The following RBFOX3 variants were observed in gnomAD, a reference collection of about 807,000 sequenced individuals.
The protein encoded by RBFOX3 is RNA binding fox-1 homolog 3.
In RBFOX3, 17 loss-of-function variants were observed where a neutral mutation model predicts 48.7. The ratio of observed to expected loss-of-function variants is 0.35; its 90% confidence interval spans 0.24 to 0.52. The LOEUF (loss-of-function observed/expected upper bound fraction) is 0.52, where lower values mean the gene tolerates loss of function less well. Ranked by LOEUF, RBFOX3 falls within the 20% of genes least tolerant of loss-of-function variation. The probability of loss-of-function intolerance (pLI) is 0.94; values close to 1 mark genes in which losing one functional copy is unlikely to be tolerated. For synonymous variants in RBFOX3, 212 were observed against 209.5 expected (o/e 1.01, Z -0.10); for missense variants, 382 against 497.5 (o/e 0.77, Z 2.21).
At chr17:79,219,263 C>G (rs976705180) in intron 4 of RBFOX3, among the ~76,000 whole-genome samples, 5 of 152,176 alleles carry the variant, frequency 3.3e-5, no homozygotes, top group Non-Finnish European at 7.3e-5. Context: ...AGGCTGCTGG[C>G]TGGGCACAGG....
intron 1 of RBFOX3, among the ~76,000 whole-genome samples, chr17:79,544,296 A>G (rs1200780119): frequency 6.6e-6 from 1 of 152,098 alleles, no homozygotes; most frequent in African/African-American, 2.4e-5. Flanking sequence ...ATCAGCCCCC[A>G]AGGATGCCAT....
the RBFOX3 span, among the ~76,000 whole-genome samples, chr17:79,657,195 C>A: frequency 6.6e-6 from 1 of 152,196 alleles, no homozygotes; most frequent in Non-Finnish European, 1.5e-5. Context: ...GAGGAAGCAG[C>A]CACACGGCAA....
chr17:79,143,702 G>A (rs932637882), intron 4 of RBFOX3, among the ~76,000 whole-genome samples: 1 of 152,180 alleles, frequency 6.6e-6, no homozygotes, highest in African/African-American at 2.4e-5. Flanking sequence ...TCGTCCTCCA[G>A]CACAGGCCCC....
chr17:79,307,975 G>A (rs1482420585), intron 2 of RBFOX3, 151 bp from the exon 3 acceptor site: 1 of 153,148 alleles, frequency 6.5e-6, no homozygotes, highest in African/African-American at 2.4e-5. Context: ...ATACAAACAG[G>A]AATGCGTTAG....
In RBFOX3 at chr17:79,481,616, G is replaced by C. The variant is rs1387696430; in HGVS notation, c.-175+838C>G. ...CCTCAGGGGAGCAGAGAGGGCTAGAGACAGCTCAGTCACGTGGCTCGGGGA... is the reference window on the plus strand; with the variant it reads ...CCTCAGGGGAGCAGAGAGGGCTAGACACAGCTCAGTCACGTGGCTCGGGGA... On this transcript the variant is annotated intron_variant, in intron 2 of 14. Coordinates refer to ENST00000693108, the MANE Select transcript of RBFOX3 (RefSeq NM_001350451.2). The surrounding 1 kb of genome is among the most constrained non-coding windows in gnomAD (Gnocchi z 5.4). Among the ~76,000 whole-genome samples, 1 of 152,184 alleles carries C rather than the reference G, an allele frequency of 6.6e-6. No individual in the cohort carries two copies. Among genetic ancestry groups the C allele is most frequent in the African/African-American group, 2.4e-5 (1 of 41,440 alleles).
chr17:79,639,172 T>G, the RBFOX3 span, among the ~76,000 whole-genome samples: 23 of 152,118 alleles, frequency 1.5e-4, no homozygotes, highest in Admixed American at 1.4e-3. Flanking sequence ...TTTTTTTATT[T>G]TTTATTGTTT....
At chr17:79,119,670 T>C (rs572704360) in intron 4 of RBFOX3, among the ~76,000 whole-genome samples, 85 of 152,266 alleles carry the variant, frequency 5.6e-4, no homozygotes, top group African/African-American at 2.0e-3. Context: ...ATGGTCACAA[T>C]AGAGCCTGGA....
intron 1 of RBFOX3, among the ~76,000 whole-genome samples, chr17:79,597,067 C>T (rs988648635): frequency 1.3e-5 from 2 of 152,280 alleles, no homozygotes; most frequent in African/African-American, 2.4e-5. Flanking sequence ...GCTGGCCACA[C>T]GTAAGAAAGG....
chr17:79,346,835 T>C (rs1018167830), intron 2 of RBFOX3, among the ~76,000 whole-genome samples: 1 of 152,228 alleles, frequency 6.6e-6, no homozygotes, highest in African/African-American at 2.4e-5. Flanking sequence ...CATTTTCTGA[T>C]ACTACTAAAA....
intron 2 of RBFOX3, among the ~76,000 whole-genome samples, chr17:79,371,591 A>T (rs1381054685): frequency 1.3e-5 from 2 of 152,170 alleles, no homozygotes; most frequent in African/African-American, 4.8e-5. Context: ...AGTGTCCAGC[A>T]GTCCCTAGGG....
At chr17:79,626,814 C>T in the RBFOX3 span, among the ~76,000 whole-genome samples, 9 of 152,176 alleles carry the variant, frequency 5.9e-5, no homozygotes, top group Non-Finnish European at 1.2e-4. Flanking sequence ...AGAAGGTGCT[C>T]GAGCCTCCGG....
intron 2 of RBFOX3, among the ~76,000 whole-genome samples, chr17:79,462,972 C>T (rs978733988): frequency 6.6e-6 from 1 of 152,038 alleles, no homozygotes; most frequent in Non-Finnish European, 1.5e-5. Flanking sequence ...GCCACTGCCA[C>T]CTCCACCACC....
chr17:79,453,678 G>C (rs541241510), intron 2 of RBFOX3, among the ~76,000 whole-genome samples: 199 of 152,280 alleles, frequency 1.3e-3, no homozygotes, highest in African/African-American at 4.6e-3. Flanking sequence ...TGTGTGTGTA[G>C]ATGTGTGTGC....
At chr17:79,210,885 C>T (rs571855071) in intron 4 of RBFOX3, among the ~76,000 whole-genome samples, 4 of 149,602 alleles carry the variant, frequency 2.7e-5, no homozygotes, top group East Asian at 2.0e-4. Flanking sequence ...CTCTAGGCAG[C>T]GAGCAGTGAG....
Position 79,320,066 on chromosome 17 carries a change from T to C in RBFOX3, c.-174-12242A>G, listed in dbSNP as rs188878178. On this transcript the variant is annotated intron_variant, in intron 2 of 14. Coordinates refer to ENST00000693108, the MANE Select transcript of RBFOX3 (RefSeq NM_001350451.2). ...GGGCTGTTGGTCTTGTCCAGGCTGC[T>C]GGTCTTCTCTGGGCTGCTGGTCTTC... Among the ~76,000 whole-genome samples the C allele has an allele frequency of 2.2e-3, 335 of 152,244 alleles. 2 individuals are homozygous for C. Among genetic ancestry groups the C allele is most frequent in the Non-Finnish European group, 3.6e-3 (246 of 67,976 alleles).
chr17:79,145,189 G>A (rs55714291), intron 4 of RBFOX3, among the ~76,000 whole-genome samples: 34,147 of 152,056 alleles, frequency 0.22, 4,020 homozygotes, highest in Middle Eastern at 0.29. Flanking sequence ...TCCCATCATC[G>A]AGCTCAGCCA....
chr17:79,620,609 ATGCACACACG>A, the RBFOX3 span, among the ~76,000 whole-genome samples: 106 of 140,366 alleles, frequency 7.6e-4, 1 homozygote, highest in African/African-American at 2.8e-3. Flanking sequence ...GCACGCACAC[ATGCACACACG>A]CACATGCACA....
chr17:79,648,430 C>T, the RBFOX3 span, among the ~76,000 whole-genome samples: 1 of 152,210 alleles, frequency 6.6e-6, no homozygotes, highest in African/African-American at 2.4e-5. Flanking sequence ...TCCTGCTCTC[C>T]AGTTACCAAG....
chr17:79,462,364 G>T (rs539770801), intron 2 of RBFOX3, among the ~76,000 whole-genome samples: 14 of 152,338 alleles, frequency 9.2e-5, no homozygotes, highest in African/African-American at 3.4e-4. Flanking sequence ...CTTCTGTAGG[G>T]TGGAAAGAAT....
Sources: gnomAD v4.1 joint callset for allele counts (sites outside exome capture counted in the v4.1 genomes callset) on GRCh38, gnomAD v4.1.1 for gene constraint, Gnocchi (gnomAD v3.1) non-coding constraint, MANE v1.5 for transcripts, NCBI Gene and HGNC (gene_info 2026-07-23, HGNC 2026-07-21) for gene names.